The following APOBEC3H variants were observed in gnomAD, a reference collection of about 807,000 sequenced individuals.
APOBEC3H encodes DNA dC->dU-editing enzyme APOBEC-3H.
Under a neutral mutation model 21.2 loss-of-function variants are expected in APOBEC3H, and 8 were observed. The ratio of observed to expected loss-of-function variants is 0.38; its 90% CI spans 0.22 to 0.68. APOBEC3H has a LOEUF of 0.68. Among genes scored for constraint, APOBEC3H ranks in the 30% least tolerant of loss-of-function variants. The pLI, the probability that APOBEC3H is intolerant of heterozygous loss-of-function variation, is 0.52. For missense variants in APOBEC3H, 229 were observed against 228.1 expected, an observed-to-expected ratio of 1.00 and a Z score of -0.03; for synonymous variants, 88 against 91.0, an observed-to-expected ratio of 0.97 and a Z score of 0.19.
In APOBEC3H at chr22:39,102,021, G is replaced by A; in HGVS notation, c.522G>A (p.Lys174=). The change falls in exon 4 of 5, where the codon AAG becomes AAA. Residue 174 remains lysine, a synonymous_variant. Transcript: ENST00000442487. ...TAGATAAAAACAGTCGAGCCATAAA[G>A]CGACGGCTTGAGAGGATAAAGGTGA... ...EELDKNSRAI[K]RRLERIKQS is the part of the protein sequence containing the mutation. 1 of 1,613,924 alleles carries A rather than the reference G, an allele frequency of 6.2e-7. No homozygotes were observed. Among genetic ancestry groups the A allele is most frequent in the Non-Finnish European group, 8.5e-7 (1 of 1,179,926 alleles).
chr22:39,103,278 C>T (rs529588403), intron 4 of APOBEC3H, among the ~76,000 whole-genome samples: 7 of 152,112 alleles, frequency 4.6e-5, no homozygotes, highest in Non-Finnish European at 1.0e-4. Flanking sequence ...CAGAGTGAGG[C>T]TTTGCTTAAA....
chr22:39,101,180 A>C, intron 2 of APOBEC3H, 57 bp from the exon 3 acceptor site: 3 of 701,824 alleles, frequency 4.3e-6, no homozygotes, highest in Admixed American at 3.3e-5. Flanking sequence ...CCCCAGTCAC[A>C]TGACTCCTGG....
In APOBEC3H at chr22:39,103,794, C is replaced by A; in HGVS notation, c.*97C>A. ...CAACTCAAGATGACTTTCCCTGGGG[C>A]ATGTCAGTTGCCTCATAGCCTGCTG... On this transcript the variant is annotated 3_prime_UTR_variant, in exon 5 of 5. Transcript: ENST00000442487. 9.5e-6 allele frequency: 14 copies of A among 1,480,224 alleles called. No individual in the cohort carries two copies. Among genetic ancestry groups the A allele is most frequent in the Non-Finnish European group, 1.3e-5 (14 of 1,058,186 alleles). The allele number at this position is 1,480,224 out of a possible 1,614,324, so 91.7% of individuals were successfully genotyped here. A position where few individuals can be genotyped will look rare whatever the true frequency, so the allele number is the denominator to read the frequency against.
intron 4 of APOBEC3H, among the ~76,000 whole-genome samples, chr22:39,102,773 G>A (rs1351708705): frequency 2.0e-5 from 3 of 152,176 alleles, no homozygotes; most frequent in East Asian, 3.9e-4. Flanking sequence ...GCCGAGGCAG[G>A]TGTATCAAGA....
At chr22:39,101,723 G>T (rs1929364323) in intron 3 of APOBEC3H, among the ~76,000 whole-genome samples, 195 bp from the exon 4 acceptor site, 1 of 141,364 alleles carries the variant, frequency 7.1e-6, no homozygotes, top group South Asian at 2.4e-4. Context: ...CGGGGAGCGG[G>T]GGGTCTGTGG....
chr22:39,102,298 G>A (rs567391785), intron 4 of APOBEC3H, among the ~76,000 whole-genome samples: 4 of 151,884 alleles, frequency 2.6e-5, no homozygotes, highest in African/African-American at 7.3e-5. Context: ...ACAGGCACTC[G>A]CCACCATGCC....
rs552548301 is a variant in APOBEC3H at position 39,101,476 on chromosome 22, G to C, written c.390G>C (p.Gln130His). The C allele has an allele frequency of 6.2e-7, 1 of 1,610,844 alleles. No individual in the cohort carries two copies. ...QKGLRLLCGS[Q>H]VPVEVMGFPE... ...GGCTGCGGCTTCTGTGTGGATCCCA[G>C]GTCCCGGTGGAGGTCATGGGCTTCC... Residue 130 changes from glutamine to histidine, a missense_variant, in exon 3 of 5, where the codon CAG becomes CAC. Transcript: ENST00000442487.
At chr22:39,099,165 G>A (rs927536134) in intron 1 of APOBEC3H, among the ~76,000 whole-genome samples, 13 of 152,216 alleles carry the variant, frequency 8.5e-5, no homozygotes, top group African/African-American at 3.1e-4. Flanking sequence ...AGTGAGCTGA[G>A]ATTGGACCAC....
At chr22:39,101,885 T>C (rs542182395) in intron 3 of APOBEC3H, 33 bp from the exon 4 acceptor site, 10 of 1,613,724 alleles carry the variant, frequency 6.2e-6, no homozygotes, top group African/African-American at 5.3e-5. Context: ...CTGCTGCCCC[T>C]GGGGCCTGGC....
chr22:39,098,888 G>C (rs968233273), intron 1 of APOBEC3H, among the ~76,000 whole-genome samples: 1 of 152,168 alleles, frequency 6.6e-6, no homozygotes, highest in Non-Finnish European at 1.5e-5. Context: ...GGAGACAGGA[G>C]GTGAGCGCAT....
chr22:39,101,447 A>G lies in APOBEC3H; in HGVS notation c.361A>G (p.Lys121Glu), dbSNP rs139298. 0.48 allele frequency: 769,985 copies of G among 1,609,282 alleles called. 190,935 individuals are homozygous for G. The highest frequency in any genetic ancestry group is 0.82 in the African/African-American group (60,642 of 73,648). ...CTACCACTGGTGCAAGCCCCAGCAG[A>G]AGGGGCTGCGGCTTCTGTGTGGATC... is the stretch of plus-strand genomic sequence containing the variant. Reference protein sequence around the residue: ...LYYHWCKPQQKGLRLLCGSQV... With the variant: ...LYYHWCKPQQEGLRLLCGSQV... Residue 121 changes from lysine (K) to glutamate (E), a missense_variant, in exon 3 of 5, where the codon AAG (lysine) becomes GAG (glutamate). Lys to Glu is a moderately conservative substitution (Grantham distance 56, BLOSUM62 1). Coordinates refer to ENST00000442487, the MANE Select transcript of APOBEC3H (RefSeq NM_181773.5).
rs572037686 is a variant in APOBEC3H, at chr22:39,099,659, C to T, written c.-7-613C>T. On this transcript the variant is annotated intron_variant, in intron 1 of 4. Transcript: ENST00000442487. ...CCACCCAACCCAGGAAGAATAGTGA[C>T]GAGGTCGGGGCATCCCCATGCAAAG... 1.6e-4 allele frequency among the ~76,000 whole-genome samples: 25 copies of T among 152,338 alleles called. No homozygotes were observed. In the South Asian group the frequency reaches 1.9e-3, roughly 11 times the overall value.
intron 1 of APOBEC3H, among the ~76,000 whole-genome samples, chr22:39,097,740 G>A (rs1929085421): frequency 1.3e-5 from 2 of 152,184 alleles, no homozygotes; most frequent in Admixed American, 1.3e-4. Flanking sequence ...GATGAACTTT[G>A]TGTAAGATTA....
rs41281251 is a variant in APOBEC3H, at chr22:39,097,246, T to A, written c.-105T>A. On this transcript the variant is annotated 5_prime_UTR_variant, in exon 1 of 5. Transcript: ENST00000442487. Reference sequence around the variant, plus strand: ...TTGTGACTTTTGGGAGAGCTGACCTTTTGTGACTTTTGGGAGAGCTGCCAA... The same window carrying A: ...TTGTGACTTTTGGGAGAGCTGACCTATTGTGACTTTTGGGAGAGCTGCCAA... 0.23 allele frequency: 35,552 copies of A among 151,672 alleles called. 6,943 individuals are homozygous for A. Among genetic ancestry groups the A allele is most frequent in the African/African-American group, 0.54 (22,328 of 41,206 alleles). 9.4% of individuals were successfully genotyped at this position (151,672 alleles called of 1,614,324 possible).
Position 39,101,440 on chromosome 22 carries a change from C to T in APOBEC3H, c.354C>T (p.Pro118=). 6.2e-7 allele frequency: 1 copy of T among 1,611,854 alleles called. No homozygotes were observed. The highest frequency in any genetic ancestry group is 1.3e-5 in the African/African-American group (1 of 74,290). ...ASRLYYHWCK[P]QQKGLRLLCG... is the part of the protein sequence containing the mutation. ...GCCTGTACTACCACTGGTGCAAGCC[C>T]CAGCAGAAGGGGCTGCGGCTTCTGT... Residue 118 remains proline (P), a synonymous_variant, in exon 3 of 5, where the codon CCC becomes CCT. Transcript: ENST00000442487.
chr22:39,102,631 C>A, intron 4 of APOBEC3H: 1 of 709,594 alleles, frequency 1.4e-6, no homozygotes, highest in South Asian at 1.5e-5. Flanking sequence ...TGGCCCCCCT[C>A]CCACCCTCTC....
chr22:39,101,901 T>A lies in APOBEC3H; in HGVS notation c.419-17T>A. The A allele has an allele frequency of 6.2e-7, 1 of 1,613,826 alleles. No individual in the cohort carries two copies. Among genetic ancestry groups the A allele is most frequent in the Non-Finnish European group, 8.5e-7 (1 of 1,179,874 alleles). On this transcript the variant is annotated splice_polypyrimidine_tract_variant and intron_variant, in intron 3 of 4. Coordinates refer to ENST00000442487, the MANE Select transcript of APOBEC3H (RefSeq NM_181773.5). ...TGCTGCCCCTGGGGCCTGGCTGGTT[T>A]CCCTCTTCCCTCTCAGAGTTTGCTG... is the stretch of plus-strand genomic sequence containing the variant.
intron 3 of APOBEC3H, 129 bp from the exon 4 acceptor site, chr22:39,101,789 G>A (rs3765442): frequency 2.4e-5 from 35 of 1,446,972 alleles, no homozygotes; most frequent in Middle Eastern, 2.2e-4. Context: ...GACACCACCC[G>A]GGAGGGAGAA....
At chr22:39,100,001 C>T (rs1397752573) in intron 1 of APOBEC3H, among the ~76,000 whole-genome samples, 3 of 152,132 alleles carry the variant, frequency 2.0e-5, no homozygotes, top group Non-Finnish European at 2.9e-5. Flanking sequence ...GGTGAAACCC[C>T]GTCTGTACTA....
Sources: gnomAD v4.1 joint callset for allele counts (sites outside exome capture counted in the v4.1 genomes callset) on GRCh38, gnomAD v4.1.1 for gene constraint, MANE v1.5 for transcripts, NCBI Gene and HGNC (gene_info 2026-07-23, HGNC 2026-07-21) for gene names.